PCDHGA9: variants seen among roughly 807,000 people sequenced by gnomAD.
The protein encoded by PCDHGA9 is protocadherin gamma subfamily A, 9, also known as protocadherin gamma-A9.
In PCDHGA9, 37 loss-of-function variants were observed where a neutral mutation model predicts 62.5. The ratio of observed to expected loss-of-function variants is 0.59; its 90% confidence interval spans 0.46 to 0.78. PCDHGA9 has a LOEUF of 0.78. Ranked by LOEUF, PCDHGA9 falls within the 30% of genes least tolerant of loss-of-function variation. The pLI, the probability that PCDHGA9 is intolerant of heterozygous loss-of-function variation, is 0.00. For synonymous variants in PCDHGA9, 459 were observed against 484.6 expected (o/e 0.95, Z 0.69); for missense variants, 1,138 against 1,166.2 (o/e 0.98, Z 0.35).
Position 141,485,754 on chromosome 5 carries a change from T to A in PCDHGA9, c.2425-9053T>A, listed in dbSNP as rs770807249. ...AGCGACGGCAGCCTGGTCCCAGAGC[T>A]GCTCCTGGAGAAGCCTTTGGATCGA... On this transcript the variant is annotated intron_variant, in intron 1 of 3. Transcript: ENST00000573521. This position sits in a 1 kb window ranked among gnomAD's most constrained non-coding sequence, Gnocchi z 5.7. 1 of 1,614,236 alleles carries A rather than the reference T, an allele frequency of 6.2e-7. No individual in the cohort carries two copies. The highest frequency in any genetic ancestry group is 8.5e-7 in the Non-Finnish European group (1 of 1,180,044).
rs553276457 is a variant in PCDHGA9 at position 141,480,179 on chromosome 5, G to A, written c.2425-14628G>A. Among the ~76,000 whole-genome samples, 10 of 152,058 alleles carry A rather than the reference G, an allele frequency of 6.6e-5. No individual in the cohort carries two copies. In the South Asian group the frequency reaches 8.3e-4, roughly 13 times the overall value. On this transcript the variant is annotated intron_variant, in intron 1 of 3. Transcript: ENST00000573521. ...AGCATTTTGGGAGGCTGAGGCAGGC[G>A]GATTGCTTGAGGCCAGCAGTTCAAG... is the stretch of plus-strand genomic sequence containing the variant.
chr5:141,477,532 C>A lies in PCDHGA9; in HGVS notation c.2425-17275C>A. 6.2e-7 allele frequency: 1 copy of A among 1,614,146 alleles called. No individual in the cohort carries two copies. The highest frequency in any genetic ancestry group is 8.5e-7 in the Non-Finnish European group (1 of 1,180,028). ...TTTACATTGAAGAAAACAACCTCCC[C>A]GGGGCTCCAATACTAAACCTAAGTG... On this transcript the variant is annotated intron_variant, in intron 1 of 3. Coordinates refer to ENST00000573521, the MANE Select transcript of PCDHGA9 (RefSeq NM_018921.3). The surrounding 1 kb of genome is among the most constrained non-coding windows in gnomAD (Gnocchi z 4.9).
intron 3 of PCDHGA9, among the ~76,000 whole-genome samples, chr5:141,505,969 A>G (rs1454691041): frequency 1.3e-5 from 2 of 152,142 alleles, no homozygotes; most frequent in Non-Finnish European, 2.9e-5. Context: ...AGAAATCCCC[A>G]GCCGAGAGAA....
At chr5:141,451,561 C>T (rs1412657561) in intron 1 of PCDHGA9, among the ~76,000 whole-genome samples, 2 of 152,096 alleles carry the variant, frequency 1.3e-5, no homozygotes, top group Non-Finnish European at 2.9e-5. Flanking sequence ...ATGAAAGCCA[C>T]AATCTTTTTA....
chr5:141,409,928 G>C (rs2095338081), intron 1 of PCDHGA9: 1 of 1,613,354 alleles, frequency 6.2e-7, no homozygotes, highest in Non-Finnish European at 8.5e-7. Context: ...CGCGTTCTTC[G>C]ATATGGTACC....
At chr5:141,419,432 C>T (rs2096381830) in intron 1 of PCDHGA9, 1 of 1,613,278 alleles carries the variant, frequency 6.2e-7, no homozygotes, top group East Asian at 2.2e-5. Flanking sequence ...CCACGAGCAG[C>T]TGCGCACCTT....
At chr5:141,412,509 A>G (rs1452202369) in intron 1 of PCDHGA9, 2 of 152,208 alleles carry the variant, frequency 1.3e-5, no homozygotes, top group Admixed American at 1.3e-4. Flanking sequence ...AATAAGTTTA[A>G]TGAATTAAGT....
At chr5:141,415,396 G>C (rs11575962) in intron 1 of PCDHGA9, 2 of 1,614,204 alleles carry the variant, frequency 1.2e-6, no homozygotes, top group Non-Finnish European at 1.7e-6. Flanking sequence ...AGGTGTGTCC[G>C]GCTCGCACTT....
intron 2 of PCDHGA9, 62 bp downstream of exon 2, chr5:141,494,927 G>C: frequency 6.2e-7 from 1 of 1,613,516 alleles, no homozygotes; most frequent in Non-Finnish European, 8.5e-7. Context: ...GATGACGTGG[G>C]AGGAGATGGG....
Position 141,418,384 on chromosome 5 carries a change from C to T in PCDHGA9, c.2424+13008C>T, listed in dbSNP as rs774636792. 5 of 1,613,982 alleles carry T rather than the reference C, an allele frequency of 3.1e-6. No homozygotes were observed. In the South Asian group the frequency reaches 4.4e-5, roughly 14 times the overall value. ...TGAGCAAATACCAACTAAGTCCTAA[C>T]GAGTATTTCTCATTGGTGGAGAAAG... is the stretch of plus-strand genomic sequence containing the variant. On this transcript the variant is annotated intron_variant, in intron 1 of 3. Coordinates refer to ENST00000573521, the MANE Select transcript of PCDHGA9 (RefSeq NM_018921.3).
Position 141,422,952 on chromosome 5 carries a change from C to T in PCDHGA9, c.2424+17576C>T, listed in dbSNP as rs759618535. 11 of 1,614,254 alleles carry T rather than the reference C, an allele frequency of 6.8e-6. No homozygotes were observed. The East Asian group carries it at 2.0e-4, about 29-fold the overall frequency. On this transcript the variant is annotated intron_variant, in intron 1 of 3. Coordinates refer to ENST00000573521, the MANE Select transcript of PCDHGA9 (RefSeq NM_018921.3). ...CCCTCCCCACAGACGGCTCCACTGG[C>T]GTGGAGCTGGCGCCCCGCTCTGCGG...
At chr5:141,466,058 C>T (rs970494567) in intron 1 of PCDHGA9, among the ~76,000 whole-genome samples, 2 of 152,046 alleles carry the variant, frequency 1.3e-5, no homozygotes, top group African/African-American at 4.8e-5. Flanking sequence ...GGAGACGGAG[C>T]TTGCAGTGAG....
rs1227487225 is a variant in PCDHGA9, at chr5:141,491,275, G to C, written c.2425-3532G>C. The C allele has an allele frequency of 2.5e-6, 4 of 1,614,082 alleles. 1 individual carries two copies. In the South Asian group the frequency reaches 4.4e-5, roughly 18 times the overall value. On this transcript the variant is annotated intron_variant, in intron 1 of 3. Transcript: ENST00000573521. This position sits in a 1 kb window ranked among gnomAD's most constrained non-coding sequence, Gnocchi z 6.9. Reference sequence around the variant, plus strand: ...CCCTGAGGAAATGCCCAAATCCAGTGACTTCCTCATACACCCTCCTGAGCG... The same window carrying C: ...CCCTGAGGAAATGCCCAAATCCAGTCACTTCCTCATACACCCTCCTGAGCG...
At chr5:141,496,817 T>C (rs2099771666) in intron 2 of PCDHGA9, among the ~76,000 whole-genome samples, 1 of 151,020 alleles carries the variant, frequency 6.6e-6, no homozygotes, top group Non-Finnish European at 1.5e-5. Flanking sequence ...AGTGAACAAG[T>C]AGATGTGATC....
At chr5:141,499,184 A>G (rs2099789986) in intron 2 of PCDHGA9, among the ~76,000 whole-genome samples, 1 of 151,726 alleles carries the variant, frequency 6.6e-6, no homozygotes, top group African/African-American at 2.4e-5. Context: ...CCAGCAAACC[A>G]TTTCCCCCTT....
At chr5:141,422,280 C>G (rs748287385) in intron 1 of PCDHGA9, 9 of 1,557,754 alleles carry the variant, frequency 5.8e-6, no homozygotes, top group Non-Finnish European at 7.8e-6. Flanking sequence ...TAACTATCAC[C>G]TCTTCTATTA....
rs1183309479 is a variant in PCDHGA9 at position 141,404,628 on chromosome 5, C to G, written c.1676C>G (p.Ala559Gly). 1.9e-6 allele frequency: 3 copies of G among 1,614,100 alleles called. No homozygotes were observed. In the South Asian group the frequency reaches 3.3e-5, roughly 18 times the overall value. Reference sequence around the variant, plus strand: ...TTTGTTTTGGACCAGAATGACAATGCCCCAGAAATCCTGTACCCTGCCCTC... The same window carrying G: ...TTTGTTTTGGACCAGAATGACAATGGCCCAGAAATCCTGTACCCTGCCCTC... ...RLFVLDQNDN[A>G]PEILYPALPT... The change falls in exon 1 of 4, where the codon GCC (alanine) becomes GGC (glycine). Residue 559 changes from alanine (A) to glycine (G), a missense_variant. Physicochemically the swap from Ala to Gly is moderately conservative, Grantham distance 60. Transcript: ENST00000573521.
In PCDHGA9 at chr5:141,491,359, G is replaced by C. The variant is rs764159829; in HGVS notation, c.2425-3448G>C. 3 of 1,614,154 alleles carry C rather than the reference G, an allele frequency of 1.9e-6. No homozygotes were observed. In the East Asian group the frequency reaches 6.7e-5, roughly 36 times the overall value. On this transcript the variant is annotated intron_variant, in intron 1 of 3. Coordinates refer to ENST00000573521, the MANE Select transcript of PCDHGA9 (RefSeq NM_018921.3). This position sits in a 1 kb window ranked among gnomAD's most constrained non-coding sequence, Gnocchi z 6.9. ...AGCGACCGTCAGTCTCTTATCCCTA[G>C]TCACCTTCACCTTTCTGTCAGCGAA...
chr5:141,427,855 G>T (rs2097079766), intron 1 of PCDHGA9: 1 of 1,553,826 alleles, frequency 6.4e-7, no homozygotes, highest in Non-Finnish European at 8.8e-7. Flanking sequence ...GAGCAGCTGT[G>T]CGCCTTCGAG....
Sources: allele counts gnomAD v4.1 joint callset (sites outside exome capture counted in the v4.1 genomes callset), GRCh38; gene constraint gnomAD v4.1.1; non-coding constraint Gnocchi (gnomAD v3.1); transcripts MANE v1.5; gene names NCBI Gene and HGNC (gene_info 2026-07-23, HGNC 2026-07-21).